Variants in CNOT1 observed in about 807,000 individuals in gnomAD.
CNOT1 encodes the protein CCR4-NOT transcription complex subunit 1, also known as CCR4-associated factor 1.
In CNOT1, 15 loss-of-function variants were observed where a neutral mutation model predicts 273.8. The observed-to-expected ratio is 0.05, with a 90% CI of 0.04 to 0.08. The LOEUF (loss-of-function observed/expected upper bound fraction) is 0.08, where lower values mean the gene tolerates loss of function less well. Among genes scored for constraint, CNOT1 ranks in the 10% least tolerant of loss-of-function variants. The pLI, the probability that CNOT1 is intolerant of heterozygous loss-of-function variation, is 1.00. For missense variants in CNOT1, 1,644 were observed against 2,912.2 expected, an observed-to-expected ratio of 0.56 and a Z score of 10.02; for synonymous variants, 1,022 against 1,005.5, an observed-to-expected ratio of 1.02 and a Z score of -0.31.
chr16:58,554,004 AAAC>A, intron 21 of CNOT1, 144 bp from the exon 22 acceptor site: 1 of 1,170,746 alleles, frequency 8.5e-7, no homozygotes, highest in Non-Finnish European at 1.1e-6. Flanking sequence ...AAAGTGAAGA[AAAC>A]AAAAATAGAA....
At position 58,547,481 on chromosome 16, in the gene CNOT1, A is replaced by C. The variant is rs1331465071; in HGVS notation, c.3639+85T>G. 6 of 1,526,818 alleles carry C rather than the reference A, an allele frequency of 3.9e-6. No individual in the cohort carries two copies. In the East Asian group the frequency reaches 1.4e-4, roughly 35 times the overall value. The allele number at this position is 1,526,818 out of a possible 1,614,324, so 94.6% of individuals were successfully genotyped here. On this transcript the variant is annotated intron_variant, in intron 26 of 48. Coordinates refer to ENST00000317147, the MANE Select transcript of CNOT1 (RefSeq NM_016284.5). This position sits in a 1 kb window ranked among gnomAD's most constrained non-coding sequence, Gnocchi z 4.0. ...GCCAAAATCTTACAAAACCCCAATA[A>C]TCATTAAATAGCTCCAAACAGCCAA...
intron 34 of CNOT1, 60 bp downstream of exon 34, chr16:58,541,441 A>G: frequency 6.3e-7 from 1 of 1,581,400 alleles, no homozygotes; most frequent in Non-Finnish European, 8.6e-7. Flanking sequence ...ACATATATTA[A>G]ATGTCAAAAA....
chr16:58,590,917 A>G (rs1597535440), intron 2 of CNOT1, among the ~76,000 whole-genome samples: 1 of 152,384 alleles, frequency 6.6e-6, no homozygotes, highest in East Asian at 1.9e-4. Context: ...AGCAGAGACT[A>G]ATAGGTTCCA....
At chr16:58,603,899 G>A (rs145455637) in intron 1 of CNOT1, among the ~76,000 whole-genome samples, 4 of 152,010 alleles carry the variant, frequency 2.6e-5, no homozygotes, top group East Asian at 3.9e-4. Context: ...TAGTCTCCTC[G>A]TATTAGGATG....
intron 1 of CNOT1, among the ~76,000 whole-genome samples, chr16:58,615,918 CTT>C (rs762479250): frequency 1.1e-4 from 11 of 104,314 alleles, no homozygotes; most frequent in South Asian, 2.8e-4. Context: ...CCCATCTCTA[CTT>C]TTTTTTTTTT....
chr16:58,600,352 C>G (rs1488460650), intron 1 of CNOT1, among the ~76,000 whole-genome samples: 1 of 152,036 alleles, frequency 6.6e-6, no homozygotes, highest in Admixed American at 6.6e-5. Context: ...AATACTCATC[C>G]AAAGAGTTTC....
chr16:58,565,304 G>A (rs956946267), intron 16 of CNOT1, among the ~76,000 whole-genome samples: 2 of 151,896 alleles, frequency 1.3e-5, no homozygotes, highest in Admixed American at 6.6e-5. Flanking sequence ...TTTCAGAGAC[G>A]GGGTTTCGCG....
chr16:58,548,353 C>T (rs750443411), intron 25 of CNOT1: 1 of 392,830 alleles, frequency 2.5e-6, no homozygotes, highest in Non-Finnish European at 5.0e-6. Context: ...ATGTATATAC[C>T]CATCTACTCT....
Position 58,532,349 on chromosome 16 carries a change from C to T in CNOT1, c.5942G>A (p.Arg1981His). 1 of 1,614,136 alleles carries T rather than the reference C, an allele frequency of 6.2e-7. No individual in the cohort carries two copies. Among genetic ancestry groups the T allele is most frequent in the Non-Finnish European group, 8.5e-7 (1 of 1,180,030 alleles). The change falls in exon 41 of 49, where the codon CGT (arginine) becomes CAT (histidine). Residue 1981 changes from arginine (R) to histidine (H), a missense_variant. By Grantham distance (29) the Arg-to-His change is conservative (BLOSUM62 0). This residue lies in a region of CNOT1 where 133 missense variants were observed against 328.2 expected (regional missense o/e 0.41). Transcript: ENST00000317147. Reference sequence around the variant, plus strand: ...GGGAAGTTGCTGAAATTCACTCTGACGAACATCATGATCCTGAAGGAGAAC... The same window carrying T: ...GGGAAGTTGCTGAAATTCACTCTGATGAACATCATGATCCTGAAGGAGAAC... Reference protein sequence around the residue: ...VGVLLQDHDVRQSEFQQLPYH... With the variant: ...VGVLLQDHDVHQSEFQQLPYH...
intron 16 of CNOT1, among the ~76,000 whole-genome samples, chr16:58,563,051 A>T (rs1279557850): frequency 6.6e-6 from 1 of 152,230 alleles, no homozygotes; most frequent in Non-Finnish European, 1.5e-5. Context: ...TACTTGTGCC[A>T]ATAGCAAAAT....
At chr16:58,526,388 T>C (rs936656607) in intron 44 of CNOT1, among the ~76,000 whole-genome samples, 2 of 151,894 alleles carry the variant, frequency 1.3e-5, no homozygotes, top group African/African-American at 4.8e-5. Flanking sequence ...AAGGTCTAAT[T>C]TGCACAACTA....
At chr16:58,610,619 G>A (rs184105925) in intron 1 of CNOT1, among the ~76,000 whole-genome samples, 34 of 152,216 alleles carry the variant, frequency 2.2e-4, no homozygotes, top group Admixed American at 7.2e-4. Flanking sequence ...CAAGGAGGGC[G>A]GATCACAAGG....
chr16:58,613,810 T>C (rs2152037519), intron 1 of CNOT1, among the ~76,000 whole-genome samples: 1 of 122,838 alleles, frequency 8.1e-6, no homozygotes, highest in East Asian at 2.0e-4. Context: ...AGAAAATTGG[T>C]CGCCGTGGTG....
At chr16:58,593,295 C>G (rs539573308) in intron 2 of CNOT1, among the ~76,000 whole-genome samples, 89 of 152,188 alleles carry the variant, frequency 5.8e-4, no homozygotes, top group African/African-American at 2.0e-3. Context: ...CGCAGTGGCT[C>G]ACACCTGTAA....
At chr16:58,563,220 T>C (rs1329879401) in intron 16 of CNOT1, among the ~76,000 whole-genome samples, 10 of 152,252 alleles carry the variant, frequency 6.6e-5, no homozygotes, top group Admixed American at 6.5e-4. Context: ...CATATTATAA[T>C]GTATTTTGCT....
chr16:58,602,222 C>G (rs909561096), intron 1 of CNOT1, among the ~76,000 whole-genome samples: 1 of 152,038 alleles, frequency 6.6e-6, no homozygotes, highest in Non-Finnish European at 1.5e-5. Context: ...GCATGTGCCA[C>G]CACGACTGGC....
At chr16:58,579,039 T>G in intron 12 of CNOT1, 100 bp from the exon 13 acceptor site, 1 of 1,491,614 alleles carries the variant, frequency 6.7e-7, no homozygotes, top group Non-Finnish European at 8.9e-7. Context: ...AAAACCAAGT[T>G]GGTGTCATGT....
chr16:58,553,389 C>G (rs948984400), intron 22 of CNOT1, among the ~76,000 whole-genome samples: 1 of 152,126 alleles, frequency 6.6e-6, no homozygotes, highest in African/African-American at 2.4e-5. Flanking sequence ...AGTTTTGGCT[C>G]ATATTAACTC....
chr16:58,562,785 T>C (rs1293561139), intron 16 of CNOT1, among the ~76,000 whole-genome samples: 1 of 152,120 alleles, frequency 6.6e-6, no homozygotes, highest in Non-Finnish European at 1.5e-5. Flanking sequence ...ATCGCGCCAC[T>C]GCACTCCAGC....
Sources: gnomAD v4.1 joint callset for allele counts (sites outside exome capture counted in the v4.1 genomes callset) on GRCh38, gnomAD v4.1.1 for gene constraint, gnomAD v4.1.1 regional missense constraint, Gnocchi (gnomAD v3.1) non-coding constraint, MANE v1.5 for transcripts, NCBI Gene and HGNC (gene_info 2026-07-23, HGNC 2026-07-21) for gene names.